Variants in OGN observed in about 807,000 individuals in gnomAD.
The protein encoded by OGN is mimecan.
In OGN, 19 loss-of-function variants were observed where a neutral mutation model predicts 30.8. The observed-to-expected ratio is 0.62, with a 90% CI of 0.43 to 0.90. The LOEUF is 0.90. Among genes scored for constraint, OGN ranks in the 40% least tolerant of loss-of-function variants. The pLI is 0.00. For synonymous variants in OGN, 126 were observed against 128.3 expected, an observed-to-expected ratio of 0.98 and a Z score of 0.12; for missense variants, 283 against 349.7, an observed-to-expected ratio of 0.81 and a Z score of 1.52.
rs781725396 is a variant in OGN, at chr9:92,393,231, A to G, written c.282T>C (p.Cys94=). The part of the protein sequence containing the change: ...PKKENDEMPT[C]LLCVCLSGSV... ...AGCCACTTAAACAAACACACAGCAG[A>G]CACGTGGGCATTTCTAAATTGGGAA... Residue 94 remains cysteine (C), a synonymous_variant, in exon 4 of 7, where the codon TGT becomes TGC. Transcript: ENST00000375561. 1.3e-6 allele frequency: 2 copies of G among 1,575,458 alleles called. No homozygotes were observed. The highest frequency in any genetic ancestry group is 2.4e-5 in the South Asian group (2 of 82,268).
Position 92,387,325 on chromosome 9 carries a change from G to A in OGN, c.631-1029C>T, listed in dbSNP as rs559527171. On this transcript the variant is annotated intron_variant, in intron 5 of 6. Coordinates refer to ENST00000375561, the MANE Select transcript of OGN (RefSeq NM_014057.5). The stretch of plus-strand genomic sequence containing the variant: ...CAGGGGGTGGAGGTTGCAGTGAGCC[G>A]AGATTGTGCCACTGCACTCCAGCCT... Among the ~76,000 whole-genome samples the A allele has an allele frequency of 5.3e-5, 8 of 151,328 alleles. No homozygotes were observed. In the South Asian group the frequency reaches 1.7e-3, roughly 32 times the overall value.
Position 92,385,668 on chromosome 9 carries a change from T to C in OGN, c.849A>G (p.Pro283=), listed in dbSNP as rs754374602. The change falls in exon 7 of 7, where the codon CCA becomes CCG. Residue 283 remains proline (P), a synonymous_variant. Transcript: ENST00000375561. ...EGNPIVLGKH[P]NSFICLKRLP... The stretch of plus-strand genomic sequence containing the variant: ...ATCTTTTTAAGCAAATAAAACTGTT[T>C]GGATGCTTTCCCAGGACGATTGGAT... 1.6e-5 allele frequency: 26 copies of C among 1,614,076 alleles called. No homozygotes were observed. Among genetic ancestry groups the C allele is most frequent in the Non-Finnish European group, 1.9e-5 (23 of 1,180,022 alleles).
At chr9:92,401,730 T>C (rs1359880750) in intron 2 of OGN, among the ~76,000 whole-genome samples, 2 of 152,176 alleles carry the variant, frequency 1.3e-5, no homozygotes, top group African/African-American at 4.8e-5. Flanking sequence ...CCAGCTTACC[T>C]TACCTACCCT....
chr9:92,394,288 G>A (rs1037741029), intron 3 of OGN, among the ~76,000 whole-genome samples: 9 of 152,002 alleles, frequency 5.9e-5, no homozygotes, highest in African/African-American at 2.2e-4. Flanking sequence ...TGTTGCTCAT[G>A]CTGGAGTGTG....
intron 1 of OGN, among the ~76,000 whole-genome samples, 168 bp downstream of exon 1, chr9:92,404,328 G>A (rs945981005): frequency 6.6e-6 from 1 of 152,164 alleles, no homozygotes; most frequent in Non-Finnish European, 1.5e-5. Context: ...ATTCTTGCCT[G>A]CGTGGATGTT....
At chr9:92,394,682 G>A (rs1248850370) in intron 3 of OGN, among the ~76,000 whole-genome samples, 2 of 151,334 alleles carry the variant, frequency 1.3e-5, no homozygotes, top group Admixed American at 6.6e-5. Flanking sequence ...TCGGCTCACT[G>A]CAGTCTCCGC....
intron 3 of OGN, 46 bp downstream of exon 3, chr9:92,401,046 G>T: frequency 1.1e-6 from 1 of 878,256 alleles, no homozygotes; most frequent in Non-Finnish European, 1.9e-6. Context: ...GTCCATTATA[G>T]CTATTTTTAA....
intron 4 of OGN, among the ~76,000 whole-genome samples, chr9:92,390,481 C>G (rs1252607701): frequency 6.6e-6 from 1 of 152,156 alleles, no homozygotes; most frequent in Non-Finnish European, 1.5e-5. Context: ...ATCTTAATCT[C>G]TCTATGCCTT....
intron 3 of OGN, among the ~76,000 whole-genome samples, chr9:92,398,669 C>G (rs1588097617): frequency 6.6e-6 from 1 of 152,128 alleles, no homozygotes; most frequent in Non-Finnish European, 1.5e-5. Flanking sequence ...TATTCAACTA[C>G]TCTTCAGTGT....
chr9:92,383,629 T>C lies in OGN; in HGVS notation c.*1991A>G, dbSNP rs1842320750. Among the ~76,000 whole-genome samples, 1 of 152,172 alleles carries C rather than the reference T, an allele frequency of 6.6e-6. No individual in the cohort carries two copies. The highest frequency in any genetic ancestry group is 1.5e-5 in the Non-Finnish European group (1 of 68,010). ...AATCTTGGTGGTATAATTTGTATTG[T>C]TTATTTTGTTTTATTTGTGATTTAA... On this transcript the variant is annotated 3_prime_UTR_variant, in exon 7 of 7. Transcript: ENST00000375561.
chr9:92,391,969 A>G (rs1467252797), intron 4 of OGN, among the ~76,000 whole-genome samples: 1 of 152,064 alleles, frequency 6.6e-6, no homozygotes, highest in Non-Finnish European at 1.5e-5. Context: ...GAACCTGGTT[A>G]TGGTTAGTCT....
chr9:92,404,429 A>G, intron 1 of OGN, 67 bp downstream of exon 1: 1 of 1,015,432 alleles, frequency 9.8e-7, no homozygotes, highest in South Asian at 1.6e-5. Context: ...ATTTATTAAG[A>G]CTATTAGATG....
In OGN at chr9:92,404,478, T is replaced by C. The variant is rs1317366206; in HGVS notation, c.-76+18A>G. On this transcript the variant is annotated intron_variant, in intron 1 of 6. Coordinates refer to ENST00000375561, the MANE Select transcript of OGN (RefSeq NM_014057.5). ...TTAACAAACAATATTTAAAATAATA[T>C]ATGAAAAGTAAGCCTACCGTTGTAG... is the stretch of plus-strand genomic sequence containing the variant. The C allele has an allele frequency of 4.8e-6, 6 of 1,257,656 alleles. No individual in the cohort carries two copies. The highest frequency in any genetic ancestry group is 2.1e-6 in the Non-Finnish European group (2 of 968,232). The allele number at this position is 1,257,656 out of a possible 1,614,324, so 77.9% of individuals were successfully genotyped here. A position where few individuals can be genotyped will look rare whatever the true frequency, so the allele number is the denominator to read the frequency against.
chr9:92,394,502 C>T (rs1435848099), intron 3 of OGN, among the ~76,000 whole-genome samples: 14 of 151,622 alleles, frequency 9.2e-5, no homozygotes, highest in African/African-American at 2.4e-4. Flanking sequence ...CTGCCTGCCT[C>T]GGTCTCCCAA....
Position 92,385,766 on chromosome 9 carries a change from C to T in OGN, c.751G>A (p.Asp251Asn), listed in dbSNP as rs1408615190. 1 of 1,613,836 alleles carries T rather than the reference C, an allele frequency of 6.2e-7. No homozygotes were observed. The highest frequency in any genetic ancestry group is 8.5e-7 in the Non-Finnish European group (1 of 1,179,976). The change falls in exon 7 of 7, where the codon GAT becomes AAT. Residue 251 changes from aspartate to asparagine, a missense_variant. Transcript: ENST00000375561. ...TCATTAGCCTTGCAGAATGTGTCAT[C>T]TGTAATTGAAGCTATGTTGTTGAAC... is the stretch of plus-strand genomic sequence containing the variant. ...LQFNNIASIT[D>N]DTFCKANDTS... is the part of the protein sequence containing the mutation.
chr9:92,398,422 C>A (rs1842979740), intron 3 of OGN, among the ~76,000 whole-genome samples: 1 of 152,160 alleles, frequency 6.6e-6, no homozygotes, highest in South Asian at 2.1e-4. Context: ...CATCCCCTCT[C>A]CCCCAATTTC....
At chr9:92,391,506 C>T (rs551697062) in intron 4 of OGN, among the ~76,000 whole-genome samples, 1 of 152,024 alleles carries the variant, frequency 6.6e-6, no homozygotes, top group Admixed American at 6.6e-5. Context: ...GACTGAGGGA[C>T]AAGAATCCCT....
upstream of OGN, chr9:92,404,633 G>A: frequency 7.8e-7 from 1 of 1,280,082 alleles, no homozygotes; most frequent in Admixed American, 2.8e-5. Flanking sequence ...GGGCCCAGCA[G>A]CTTTAAGAAC....
At chr9:92,398,067 G>A (rs1051575185) in intron 3 of OGN, among the ~76,000 whole-genome samples, 1 of 152,106 alleles carries the variant, frequency 6.6e-6, no homozygotes, top group Admixed American at 6.5e-5. Context: ...ACTTAGTTCT[G>A]GCACACATAT....
Sources: allele counts gnomAD v4.1 joint callset (sites outside exome capture counted in the v4.1 genomes callset), GRCh38; gene constraint gnomAD v4.1.1; transcripts MANE v1.5; gene names NCBI Gene and HGNC (gene_info 2026-07-23, HGNC 2026-07-21).